The following PKHD1 variants were observed in gnomAD, a reference collection of about 807,000 sequenced individuals.
The protein encoded by PKHD1 is PKHD1 ciliary IPT domain containing fibrocystin/polyductin, also known as fibrocystin.
PKHD1 carries 291 observed loss-of-function variants against 412.0 expected under a neutral mutation model. The ratio of observed to expected loss-of-function variants is 0.71; its 90% CI spans 0.64 to 0.78. The LOEUF (loss-of-function observed/expected upper bound fraction) is 0.78. Among genes scored for constraint, PKHD1 ranks in the 30% least tolerant of loss-of-function variants. PKHD1 has a pLI of 0.00. For missense variants in PKHD1, 4,825 were observed against 4,950.7 expected (o/e 0.97, Z 0.76); for synonymous variants, 1,777 against 1,821.5 (o/e 0.98, Z 0.62).
intron 37 of PKHD1, among the ~76,000 whole-genome samples, chr6:51,921,677 TC>T (rs1447746849): frequency 6.6e-6 from 1 of 152,214 alleles, no homozygotes; most frequent in East Asian, 1.9e-4. Flanking sequence ...ATCATTCGTT[TC>T]ATCTTCAATC....
At chr6:51,908,017 A>G (rs901739530) in intron 40 of PKHD1, among the ~76,000 whole-genome samples, 16 of 152,226 alleles carry the variant, frequency 1.1e-4, no homozygotes, top group African/African-American at 3.9e-4. Flanking sequence ...TCAATTGATA[A>G]CTTATTTGTG....
intron 43 of PKHD1, among the ~76,000 whole-genome samples, chr6:51,887,854 T>C (rs1778465448): frequency 6.6e-6 from 1 of 152,228 alleles, no homozygotes; most frequent in Admixed American, 6.5e-5. Context: ...AATAAAAATA[T>C]TGTCATTCTT....
chr6:51,647,967 G>A, intron 63 of PKHD1, 64 bp downstream of exon 63: 1 of 981,738 alleles, frequency 1.0e-6, no homozygotes, highest in South Asian at 1.3e-5. Context: ...CCTAATGGCT[G>A]CAAACATTTT....
At position 52,010,373 on chromosome 6, in the gene PKHD1, G is replaced by C. The variant is rs140996978; in HGVS notation, c.5687C>G (p.Thr1896Arg). Residue 1896 changes from threonine (T) to arginine (R), a missense_variant, in exon 35 of 67, where the codon ACG becomes AGG. Thr to Arg is a moderately conservative substitution (Grantham distance 71). Transcript: ENST00000371117. The part of the protein sequence containing the change: ...METEAEMECE[T>R]PNQPITVKIT... ...CTTGACGGTAATTGGCTGATTGGGC[G>C]TCTCACACTCCATCTCTGCCTCAGT... 6.2e-7 allele frequency: 1 copy of C among 1,612,824 alleles called. No individual in the cohort carries two copies. Among genetic ancestry groups the C allele is most frequent in the Non-Finnish European group, 8.5e-7 (1 of 1,178,896 alleles).
intron 37 of PKHD1, among the ~76,000 whole-genome samples, chr6:51,927,701 C>T (rs993134235): frequency 6.6e-5 from 10 of 152,306 alleles, no homozygotes; most frequent in African/African-American, 2.2e-4. Flanking sequence ...TGCTCAGCTG[C>T]TCATGCTTAT....
intron 34 of PKHD1, among the ~76,000 whole-genome samples, chr6:52,014,658 T>G (rs1367877982): frequency 6.7e-6 from 1 of 149,040 alleles, no homozygotes; most frequent in African/African-American, 2.5e-5. Flanking sequence ...AATGGATTGA[T>G]GGATGGATGG....
At chr6:51,682,415 G>A (rs1776810322) in intron 60 of PKHD1, among the ~76,000 whole-genome samples, 1 of 151,986 alleles carries the variant, frequency 6.6e-6, no homozygotes, top group Non-Finnish European at 1.5e-5. Flanking sequence ...TTTCCAGTGT[G>A]ATATAAAGAT....
intron 60 of PKHD1, among the ~76,000 whole-genome samples, chr6:51,709,475 G>C (rs987266357): frequency 3.9e-5 from 6 of 152,102 alleles, no homozygotes; most frequent in Non-Finnish European, 8.8e-5. Context: ...AGGAAGTTAG[G>C]ATACTCGGAA....
intron 61 of PKHD1, among the ~76,000 whole-genome samples, chr6:51,653,449 A>T (rs994813996): frequency 6.6e-6 from 1 of 152,036 alleles, no homozygotes; most frequent in South Asian, 2.1e-4. Context: ...CCAAATCAGT[A>T]CCTACTATGC....
chr6:51,862,539 G>A (rs915418318), intron 48 of PKHD1, among the ~76,000 whole-genome samples: 3 of 152,160 alleles, frequency 2.0e-5, no homozygotes, highest in East Asian at 3.9e-4. Flanking sequence ...AAAGTCAAGC[G>A]ATTATTAGAG....
intron 5 of PKHD1, 145 bp downstream of exon 5, chr6:52,079,750 GTATAA>G (rs1398082847): frequency 1.1e-5 from 8 of 730,062 alleles, no homozygotes; most frequent in Non-Finnish European, 2.0e-5. Flanking sequence ...TCTTTCATTA[GTATAA>G]TATAAGAAAC....
At chr6:51,959,098 A>G (rs1791602778) in intron 36 of PKHD1, among the ~76,000 whole-genome samples, 1 of 152,046 alleles carries the variant, frequency 6.6e-6, no homozygotes, top group Non-Finnish European at 1.5e-5. Flanking sequence ...CTTAATAAGG[A>G]TGAATGTTTG....
rs534595482 is a variant in PKHD1, at chr6:51,796,558, T to C, written c.8303-5185A>G. ...TGCTAGCTTTGAGGTTTGTTTGCTC[T>C]AGGTTCTCTAGTTCTTTTAGTTGTA... On this transcript the variant is annotated intron_variant, in intron 52 of 66. Coordinates refer to ENST00000371117, the MANE Select transcript of PKHD1 (RefSeq NM_138694.4). Among the ~76,000 whole-genome samples the C allele has an allele frequency of 2.6e-5, 4 of 152,244 alleles. No homozygotes were observed. The South Asian group carries it at 8.3e-4, about 32-fold the overall frequency.
chr6:51,772,640 C>T, intron 55 of PKHD1, 62 bp downstream of exon 55: 1 of 788,822 alleles, frequency 1.3e-6, no homozygotes, highest in Non-Finnish European at 2.2e-6. Context: ...GTAACAAAAT[C>T]TCAAGCAGAA....
At chr6:51,772,093 G>A (rs1192994175) in intron 55 of PKHD1, among the ~76,000 whole-genome samples, 2 of 151,960 alleles carry the variant, frequency 1.3e-5, no homozygotes, top group Non-Finnish European at 2.9e-5. Context: ...TAGTTATTCT[G>A]AGTTCTTACT....
At chr6:51,651,689 C>A (rs890895190) in intron 61 of PKHD1, among the ~76,000 whole-genome samples, 5 of 152,100 alleles carry the variant, frequency 3.3e-5, no homozygotes, top group Non-Finnish European at 7.4e-5. Context: ...TGACTTATAG[C>A]AATTTCTCCC....
intron 33 of PKHD1, among the ~76,000 whole-genome samples, chr6:52,018,364 C>T (rs144562111): frequency 6.6e-6 from 1 of 152,216 alleles, no homozygotes; most frequent in African/African-American, 2.4e-5. Flanking sequence ...ATTTTGTATT[C>T]CTACCAGCCA....
chr6:52,064,289 A>G (rs1809158168), intron 13 of PKHD1, among the ~76,000 whole-genome samples: 1 of 152,202 alleles, frequency 6.6e-6, no homozygotes, highest in South Asian at 2.1e-4. Flanking sequence ...ATCCCTGACT[A>G]CACTTGAGCC....
chr6:51,867,740 A>C, intron 48 of PKHD1, 123 bp downstream of exon 48: 2 of 908,858 alleles, frequency 2.2e-6, no homozygotes, highest in Non-Finnish European at 1.7e-6. Context: ...TTCCCATTTC[A>C]CTTCTTTAGA....
Sources: allele counts gnomAD v4.1 joint callset (sites outside exome capture counted in the v4.1 genomes callset), GRCh38; gene constraint gnomAD v4.1.1; transcripts MANE v1.5; gene names NCBI Gene and HGNC (gene_info 2026-07-23, HGNC 2026-07-21).